Variants in PARP12 observed in about 807,000 individuals in gnomAD.
The protein encoded by PARP12 is protein mono-ADP-ribosyltransferase PARP12.
PARP12 carries 59 observed loss-of-function variants against 72.4 expected under a neutral mutation model. The observed-to-expected ratio is 0.81, with a 90% CI of 0.66 to 1.01. The LOEUF (loss-of-function observed/expected upper bound fraction) is 1.01. PARP12 is among the 50% of genes least tolerant of loss of function. The pLI, the probability that PARP12 is intolerant of heterozygous loss-of-function variation, is 0.00. For synonymous variants in PARP12, 403 were observed against 371.4 expected, an observed-to-expected ratio of 1.09 and a Z score of -0.98; for missense variants, 851 against 914.0, an observed-to-expected ratio of 0.93 and a Z score of 0.89.
At chr7:140,058,248 A>G (rs1817273113) in intron 1 of PARP12, among the ~76,000 whole-genome samples, 1 of 152,186 alleles carries the variant, frequency 6.6e-6, no homozygotes, top group Non-Finnish European at 1.5e-5. Flanking sequence ...ACGGTGGCTC[A>G]TGCCCGTAAT....
chr7:140,044,827 C>T (rs1464013609), intron 5 of PARP12, among the ~76,000 whole-genome samples: 2 of 152,120 alleles, frequency 1.3e-5, no homozygotes, highest in African/African-American at 4.8e-5. Context: ...TACCTCCAGA[C>T]TCTCATTAAA....
rs1405777973 is a variant in PARP12 at position 140,061,606 on chromosome 7, C to G, written c.326+916G>C. On this transcript the variant is annotated intron_variant, in intron 1 of 11. Transcript: ENST00000263549. ...TACCTTAGACTTCCTAAAACGCAAA[C>G]CTGATGGTTGCTCTCTCCTGCCATT... Among the ~76,000 whole-genome samples, 7 of 152,180 alleles carry G rather than the reference C, an allele frequency of 4.6e-5. No homozygotes were observed. The East Asian group carries it at 1.4e-3, about 29-fold the overall frequency.
At chr7:140,048,064 C>T (rs921261391) in intron 4 of PARP12, among the ~76,000 whole-genome samples, 2 of 152,148 alleles carry the variant, frequency 1.3e-5, no homozygotes, top group East Asian at 1.9e-4. Context: ...GGCAGGTGGA[C>T]GGGCAGAGAT....
At chr7:140,038,156 C>G (rs1170424954) in intron 6 of PARP12, 1 of 985,292 alleles carries the variant, frequency 1.0e-6, no homozygotes, top group African/African-American at 1.7e-5. Context: ...GAGGACACGG[C>G]AGCCATTCAA....
At chr7:140,052,728 C>G (rs1047539937) in intron 4 of PARP12, among the ~76,000 whole-genome samples, 2 of 127,488 alleles carry the variant, frequency 1.6e-5, no homozygotes, top group African/African-American at 3.4e-5. Flanking sequence ...TCTGAAGACC[C>G]CTTTTGTGTG....
intron 8 of PARP12, among the ~76,000 whole-genome samples, chr7:140,030,844 G>A (rs1186631771): frequency 1.3e-5 from 2 of 152,146 alleles, no homozygotes; most frequent in Middle Eastern, 3.2e-3. Context: ...TGTATTTTAT[G>A]TGTGGACCAA....
chr7:140,039,355 C>T (rs1275422880), intron 6 of PARP12, among the ~76,000 whole-genome samples: 1 of 152,228 alleles, frequency 6.6e-6, no homozygotes, highest in Non-Finnish European at 1.5e-5. Context: ...CGACCCAGGC[C>T]TCCAGTCAAA....
rs146058116 is a variant in PARP12, at chr7:140,034,312, C to T, written c.1344G>A (p.Leu448=). The T allele has an allele frequency of 2.5e-6, 4 of 1,611,430 alleles. No homozygotes were observed. Among genetic ancestry groups the T allele is most frequent in the Non-Finnish European group, 3.4e-6 (4 of 1,178,742 alleles). ...AAACCTTTTTAGTTGTGCCATAGAC[C>T]AGGTTTTTCTGAACGAAGGCTGAAA... ...LDFKAFVQKN[L]VYGTTKKVCR... is the part of the protein sequence containing the mutation. The change falls in exon 8 of 12, where the codon CTG becomes CTA. Residue 448 remains leucine (L), a synonymous_variant. Coordinates refer to ENST00000263549, the MANE Select transcript of PARP12 (RefSeq NM_022750.4).
chr7:140,061,379 A>G (rs1817437070), intron 1 of PARP12, among the ~76,000 whole-genome samples: 1 of 152,188 alleles, frequency 6.6e-6, no homozygotes, highest in African/African-American at 2.4e-5. Flanking sequence ...GACTGTATGG[A>G]TCAAGGCCCC....
At chr7:140,028,799 T>A (rs1815833106) in intron 8 of PARP12, 111 bp from the exon 9 acceptor site, 10 of 869,270 alleles carry the variant, frequency 1.2e-5, no homozygotes, top group Non-Finnish European at 1.8e-5. Context: ...CAGCACATCA[T>A]ATTTCAAGAG....
intron 8 of PARP12, chr7:140,033,442 G>A (rs895847840): frequency 1.0e-6 from 1 of 985,342 alleles, no homozygotes; most frequent in Admixed American, 6.1e-5. Context: ...CCAGCTACCA[G>A]TAACACTGCC....
rs527284243 is a variant in PARP12, at chr7:140,054,691, T to C, written c.833A>G (p.Tyr278Cys). ...AAAGCTACAACTTTTCCGGATATGG[T>C]ACAAACAGATCTGATCACCCTCCTC... ...SQEEGDQICLYHIRKSCSFQD... is the reference protein window; with the variant it reads ...SQEEGDQICLCHIRKSCSFQD... The change falls in exon 4 of 12, where the codon TAC becomes TGC. Residue 278 changes from tyrosine (Y) to cysteine (C), a missense_variant. Transcript: ENST00000263549. 3.7e-6 allele frequency: 6 copies of C among 1,614,002 alleles called. No individual in the cohort carries two copies. The highest frequency in any genetic ancestry group is 3.3e-5 in the South Asian group (3 of 91,076).
In PARP12 at chr7:140,036,048, A is replaced by G. The variant is rs1390722783; in HGVS notation, c.1324+1667T>C. Among the ~76,000 whole-genome samples, 3 of 133,050 alleles carry G rather than the reference A, an allele frequency of 2.3e-5. 1 individual carries two copies. In the Admixed American group the frequency reaches 2.3e-4, roughly 10 times the overall value. 87.3% of individuals were successfully genotyped at this position (133,050 alleles called of 152,430 possible). ...GAGGAGAAGGAGGAGAAGGAGGAGA[A>G]GGAGGAGAAGGAGGAGAAGGAGGAG... On this transcript the variant is annotated intron_variant, in intron 7 of 11. Transcript: ENST00000263549.
chr7:140,045,668 C>T (rs1212988591), intron 5 of PARP12, among the ~76,000 whole-genome samples: 1 of 151,854 alleles, frequency 6.6e-6, no homozygotes, highest in African/African-American at 2.4e-5. Context: ...CAGTATATAA[C>T]GTCCAAACTA....
intron 7 of PARP12, among the ~76,000 whole-genome samples, chr7:140,036,915 T>TCAGCCC (rs1816224685): frequency 2.0e-5 from 3 of 152,270 alleles, no homozygotes; most frequent in South Asian, 4.1e-4. Context: ...ATGAAACATT[T>TCAGCCC]CAGCCCCAGC....
At chr7:140,052,577 A>G (rs1030032779) in intron 4 of PARP12, among the ~76,000 whole-genome samples, 2 of 152,176 alleles carry the variant, frequency 1.3e-5, no homozygotes, top group African/African-American at 4.8e-5. Context: ...GGCTCTTTCC[A>G]AATTGATGTC....
intron 5 of PARP12, among the ~76,000 whole-genome samples, chr7:140,043,065 G>A (rs1324825930): frequency 6.6e-6 from 1 of 152,140 alleles, no homozygotes; most frequent in African/African-American, 2.4e-5. Flanking sequence ...GTGGTGGCGG[G>A]CACCTGTAGT....
intron 6 of PARP12, among the ~76,000 whole-genome samples, chr7:140,038,880 T>C (rs771346583): frequency 1.3e-5 from 2 of 152,142 alleles, no homozygotes; most frequent in Non-Finnish European, 2.9e-5. Flanking sequence ...GAAAAAAAAG[T>C]ACCCAGATAT....
At chr7:140,044,385 G>A (rs1032562689) in intron 5 of PARP12, among the ~76,000 whole-genome samples, 1 of 152,174 alleles carries the variant, frequency 6.6e-6, no homozygotes. Context: ...AGGGAAATTT[G>A]AACACAGACA....
Sources: gnomAD v4.1 joint callset for allele counts (sites outside exome capture counted in the v4.1 genomes callset) on GRCh38, gnomAD v4.1.1 for gene constraint, MANE v1.5 for transcripts, NCBI Gene and HGNC (gene_info 2026-07-23, HGNC 2026-07-21) for gene names.